RUNX2: variants seen among roughly 807,000 people sequenced by gnomAD.
The protein encoded by RUNX2 is RUNX family transcription factor 2, also known as runt-related transcription factor 2.
RUNX2 carries 10 observed loss-of-function variants against 51.7 expected under a neutral mutation model. The ratio of observed to expected loss-of-function variants is 0.19; its 90% CI spans 0.12 to 0.33. RUNX2 has a LOEUF of 0.33. Among genes scored for constraint, RUNX2 ranks in the 10% least tolerant of loss-of-function variants. The pLI is 1.00. For synonymous variants in RUNX2, 276 were observed against 273.6 expected (o/e 1.01, Z -0.09); for missense variants, 562 against 691.3 (o/e 0.81, Z 2.10).
intron 2 of RUNX2, among the ~76,000 whole-genome samples, chr6:45,331,112 T>C (rs1476682428): frequency 6.7e-6 from 1 of 149,396 alleles, no homozygotes; most frequent in Non-Finnish European, 1.5e-5. Flanking sequence ...GTGGTGTGTG[T>C]GTGTGTGTGT....
chr6:45,499,971 C>A (rs1234902599), intron 6 of RUNX2, among the ~76,000 whole-genome samples: 2 of 151,888 alleles, frequency 1.3e-5, no homozygotes, highest in East Asian at 3.9e-4. Flanking sequence ...CATACCTGTC[C>A]CCTTTATTAG....
intron 5 of RUNX2, among the ~76,000 whole-genome samples, chr6:45,487,481 T>C (rs1330178899): frequency 2.0e-5 from 3 of 152,176 alleles, no homozygotes; most frequent in Admixed American, 2.0e-4. Flanking sequence ...TGAAAGTGAA[T>C]AGGGTTTTCC....
At chr6:45,418,121 T>C (rs972361520) in intron 2 of RUNX2, among the ~76,000 whole-genome samples, 3 of 152,146 alleles carry the variant, frequency 2.0e-5, no homozygotes, top group Non-Finnish European at 4.4e-5. Flanking sequence ...TAATAGCTGG[T>C]CCATTGAAAA....
intron 7 of RUNX2, among the ~76,000 whole-genome samples, chr6:45,533,366 C>T (rs570675642): frequency 1.6e-4 from 24 of 152,254 alleles, no homozygotes; most frequent in South Asian, 4.1e-4. Flanking sequence ...CTCTATGTAA[C>T]TAAGATGTGT....
intron 5 of RUNX2, among the ~76,000 whole-genome samples, chr6:45,461,518 A>G (rs1223771556): frequency 2.0e-5 from 3 of 152,212 alleles, no homozygotes; most frequent in African/African-American, 4.8e-5. Context: ...AGTCAGTATC[A>G]ACATCATGGA....
At chr6:45,493,836 A>G (rs1002042671) in intron 6 of RUNX2, among the ~76,000 whole-genome samples, 1 of 152,096 alleles carries the variant, frequency 6.6e-6, no homozygotes, top group Non-Finnish European at 1.5e-5. Flanking sequence ...GATGACTAAT[A>G]AAATATATAT....
chr6:45,346,567 C>CTTTTTTTTT (rs71745024), intron 2 of RUNX2, among the ~76,000 whole-genome samples: 4 of 140,428 alleles, frequency 2.8e-5, no homozygotes, highest in Non-Finnish European at 4.6e-5. Context: ...ATAAACATTT[C>CTTTTTTTTT]TTTTTTTTTT....
At chr6:45,444,780 G>T (rs1798944071) in intron 5 of RUNX2, among the ~76,000 whole-genome samples, 1 of 152,186 alleles carries the variant, frequency 6.6e-6, no homozygotes, top group South Asian at 2.1e-4. Context: ...AACAGGTGGT[G>T]TAGGCAAGAC....
chr6:45,420,413 A>T (rs987872553), intron 2 of RUNX2, among the ~76,000 whole-genome samples: 1 of 152,140 alleles, frequency 6.6e-6, no homozygotes, highest in African/African-American at 2.4e-5. Flanking sequence ...GGTCGCTACG[A>T]GGGTGAGGGA....
intron 6 of RUNX2, among the ~76,000 whole-genome samples, chr6:45,503,061 T>C (rs1308463940): frequency 1.3e-5 from 2 of 152,244 alleles, no homozygotes; most frequent in Non-Finnish European, 2.9e-5. Context: ...TCTAGACTTA[T>C]GCTTGTCATT....
intron 2 of RUNX2, among the ~76,000 whole-genome samples, chr6:45,404,288 G>GA (rs777636640): frequency 0.089 from 9,418 of 105,868 alleles, 465 homozygotes; most frequent in South Asian, 0.18. Context: ...AAAGAAAAAA[G>GA]AAAAAAAAAA....
At chr6:45,405,545 T>C (rs187540633) in intron 2 of RUNX2, among the ~76,000 whole-genome samples, 1 of 152,150 alleles carries the variant, frequency 6.6e-6, no homozygotes, top group Non-Finnish European at 1.5e-5. Context: ...TCCCAGCACT[T>C]TGGGAGGCCG....
chr6:45,468,267 A>T (rs943461837), intron 5 of RUNX2, among the ~76,000 whole-genome samples: 4 of 152,226 alleles, frequency 2.6e-5, no homozygotes, highest in African/African-American at 9.6e-5. Flanking sequence ...ATATCCACAC[A>T]ATTTCTGAAA....
chr6:45,462,372 A>T (rs759426923), intron 5 of RUNX2, among the ~76,000 whole-genome samples: 1 of 152,210 alleles, frequency 6.6e-6, no homozygotes, highest in African/African-American at 2.4e-5. Context: ...ATTGACATCG[A>T]TAGTCTTATA....
intron 5 of RUNX2, among the ~76,000 whole-genome samples, chr6:45,468,899 C>G (rs1482245522): frequency 6.6e-6 from 1 of 152,210 alleles, no homozygotes; most frequent in Non-Finnish European, 1.5e-5. Flanking sequence ...TTTGTACTAC[C>G]TGAGCTGAGA....
At chr6:45,404,300 GAAAAAAA>G (rs1179089103) in intron 2 of RUNX2, among the ~76,000 whole-genome samples, 1 of 126,036 alleles carries the variant, frequency 7.9e-6, no homozygotes, top group Non-Finnish European at 1.7e-5. Context: ...AAAAAAAAAG[GAAAAAAA>G]AGAAAAAAGA....
chr6:45,405,528 C>G (rs1797814982), intron 2 of RUNX2, among the ~76,000 whole-genome samples: 1 of 152,180 alleles, frequency 6.6e-6, no homozygotes, highest in African/African-American at 2.4e-5. Flanking sequence ...GTGGCTTATG[C>G]CTGTAATCCC....
intron 7 of RUNX2, among the ~76,000 whole-genome samples, chr6:45,537,085 C>G (rs1451063316): frequency 6.6e-6 from 1 of 152,154 alleles, no homozygotes; most frequent in Non-Finnish European, 1.5e-5. Flanking sequence ...TGTACTGTTA[C>G]CAATTCCTGC....
At chr6:45,377,082 T>A (rs901757461) in intron 2 of RUNX2, among the ~76,000 whole-genome samples, 3 of 146,052 alleles carry the variant, frequency 2.1e-5, no homozygotes, top group Non-Finnish European at 4.7e-5. Flanking sequence ...AGTGTCCTGA[T>A]TCTCTGAGAA....
Sources: allele counts gnomAD v4.1 joint callset (sites outside exome capture counted in the v4.1 genomes callset), GRCh38; gene constraint gnomAD v4.1.1; transcripts MANE v1.5; gene names NCBI Gene and HGNC (gene_info 2026-07-23, HGNC 2026-07-21).